The following GSTA3 variants were observed in gnomAD, a reference collection of about 807,000 sequenced individuals.
GSTA3 encodes glutathione S-transferase alpha 3, also known as glutathione S-transferase A3.
In GSTA3, 16 loss-of-function variants were observed where a neutral mutation model predicts 23.1. That is an observed-to-expected ratio of 0.69 (90% CI 0.47 to 1.05). The LOEUF (loss-of-function observed/expected upper bound fraction) is 1.05, where lower values mean the gene tolerates loss of function less well. Among genes scored for constraint, GSTA3 ranks in the 50% least tolerant of loss-of-function variants. GSTA3 has a pLI of 0.00. For synonymous variants in GSTA3, 122 were observed against 91.0 expected (o/e 1.34, Z -1.94); for missense variants, 319 against 263.6 (o/e 1.21, Z -1.46).
At chr6:52,897,076 T>C (rs745693204) in intron 6 of GSTA3, 148 bp from the exon 7 acceptor site, 1 of 1,135,336 alleles carries the variant, frequency 8.8e-7, no homozygotes, top group Admixed American at 2.6e-5. Context: ...CACCCAGTGA[T>C]AAATGAAGAT....
In GSTA3 at chr6:52,899,944, G is replaced by A; in HGVS notation, c.404C>T (p.Ala135Val). Residue 135 changes from alanine to valine, a missense_variant, in exon 5 of 7, where the codon GCC becomes GTC. Coordinates refer to ENST00000211122, the MANE Select transcript of GSTA3 (RefSeq NM_000847.5). Reference sequence around the variant, plus strand: ...AACAGCTTCACCTACTTTTTCGAAGGCAGGGAAATAGCGACTTTTTGTTTT... The same window carrying A: ...AACAGCTTCACCTACTTTTTCGAAGACAGGGAAATAGCGACTTTTTGTTTT... ...KEKTKSRYFP[A>V]FEKVLQSHGQ... The A allele has an allele frequency of 6.2e-7, 1 of 1,613,778 alleles. No individual in the cohort carries two copies.
chr6:52,902,307 G>A (rs1765713524), intron 4 of GSTA3, 39 bp downstream of exon 4: 1 of 1,610,138 alleles, frequency 6.2e-7, no homozygotes, highest in Non-Finnish European at 8.5e-7. Flanking sequence ...AAATCACTCT[G>A]TGTTCTCTGT....
chr6:52,897,830 G>T lies in GSTA3; in HGVS notation c.541C>A (p.Leu181Met), dbSNP rs1224842319. Residue 181 changes from leucine (L) to methionine (M), a missense_variant, in exon 6 of 7, where the codon CTG (leucine) becomes ATG (methionine). Leu to Met is a conservative substitution (Grantham distance 15). Coordinates refer to ENST00000211122, the MANE Select transcript of GSTA3 (RefSeq NM_000847.5). Reference sequence around the variant, plus strand: ...AGGGCTGTGAAATGGGTCACCTTCAGCAGAGGGAAGTTGGAGATAAGGCTG... The same window carrying T: ...AGGGCTGTGAAATGGGTCACCTTCATCAGAGGGAAGTTGGAGATAAGGCTG... ...DSSLISNFPL[L>M]KALKTRISNL... 1 of 1,613,560 alleles carries T rather than the reference G, an allele frequency of 6.2e-7. No individual in the cohort carries two copies. The highest frequency in any genetic ancestry group is 8.5e-7 in the Non-Finnish European group (1 of 1,179,776).
At chr6:52,898,375 C>T (rs1457262231) in intron 5 of GSTA3, among the ~76,000 whole-genome samples, 1 of 152,174 alleles carries the variant, frequency 6.6e-6, no homozygotes, top group African/African-American at 2.4e-5. Context: ...TGACAGCACT[C>T]TTCCTCCAGG....
chr6:52,903,771 T>C (rs1269891656), intron 2 of GSTA3, 44 bp from the exon 3 acceptor site: 2 of 1,163,308 alleles, frequency 1.7e-6, no homozygotes, highest in East Asian at 2.4e-5. Flanking sequence ...GTTCGTTCCA[T>C]AGCATTACAG....
chr6:52,900,144 A>AC, intron 4 of GSTA3, 69 bp from the exon 5 acceptor site: 1 of 1,380,760 alleles, frequency 7.2e-7, no homozygotes, highest in Non-Finnish European at 9.9e-7. Flanking sequence ...ATAAAAACCT[A>AC]AGAGAATAGA....
intron 1 of GSTA3, among the ~76,000 whole-genome samples, chr6:52,908,013 A>G (rs1446058667): frequency 6.6e-6 from 1 of 151,794 alleles, no homozygotes; most frequent in Non-Finnish European, 1.5e-5. Context: ...AGAAGTTACC[A>G]TTTTTATGTC....
intron 3 of GSTA3, among the ~76,000 whole-genome samples, chr6:52,903,147 A>C (rs940874094): frequency 2.6e-5 from 4 of 152,096 alleles, no homozygotes; most frequent in African/African-American, 4.8e-5. Flanking sequence ...TTCCTCTAGC[A>C]GATACTCTGA....
At chr6:52,897,111 T>G (rs1269591382) in intron 6 of GSTA3, among the ~76,000 whole-genome samples, 183 bp from the exon 7 acceptor site, 1 of 152,242 alleles carries the variant, frequency 6.6e-6, no homozygotes, top group Non-Finnish European at 1.5e-5. Flanking sequence ...GTAGCTCACT[T>G]TATTTTCCGC....
At chr6:52,903,973 C>T (rs921192886) in intron 2 of GSTA3, among the ~76,000 whole-genome samples, 9 of 151,986 alleles carry the variant, frequency 5.9e-5, no homozygotes, top group Non-Finnish European at 8.8e-5. Context: ...GCTCAATCTT[C>T]TTTTTTATTT....
intron 4 of GSTA3, among the ~76,000 whole-genome samples, chr6:52,900,886 T>C (rs555601906): frequency 3.0e-4 from 45 of 152,326 alleles, no homozygotes; most frequent in African/African-American, 9.9e-4. Flanking sequence ...GGCCCACTTC[T>C]ATGCCCAATA....
At position 52,897,119 on chromosome 6, in the gene GSTA3, C is replaced by T. The variant is rs540744778; in HGVS notation, c.547-191G>A. On this transcript the variant is annotated intron_variant, in intron 6 of 6. Transcript: ENST00000211122. ...AGAACATGTAGCTCACTTTATTTTCCGCAAAGATGTCTTAAAGTTTTAATC... is the reference window on the plus strand; with the variant it reads ...AGAACATGTAGCTCACTTTATTTTCTGCAAAGATGTCTTAAAGTTTTAATC... Among the ~76,000 whole-genome samples the T allele has an allele frequency of 1.3e-4, 20 of 152,278 alleles. No homozygotes were observed. The East Asian group carries it at 1.9e-3, about 15-fold the overall frequency.
intron 1 of GSTA3, among the ~76,000 whole-genome samples, chr6:52,909,246 A>G (rs983223074): frequency 5.3e-5 from 8 of 152,188 alleles, no homozygotes; most frequent in African/African-American, 1.9e-4. Context: ...TGACCCTGCC[A>G]GCTTTAAATC....
chr6:52,906,566 T>C (rs182639069), intron 1 of GSTA3, among the ~76,000 whole-genome samples: 1 of 152,280 alleles, frequency 6.6e-6, no homozygotes, highest in African/African-American at 2.4e-5. Context: ...CAAACTATAC[T>C]ACAAGGCTAC....
intron 1 of GSTA3, among the ~76,000 whole-genome samples, chr6:52,906,956 G>C (rs1765909679): frequency 6.7e-6 from 1 of 149,268 alleles, no homozygotes; most frequent in African/African-American, 2.5e-5. Flanking sequence ...AGCCAAAATT[G>C]ACAAATGGGA....
chr6:52,897,445 G>A (rs544909800), intron 6 of GSTA3, among the ~76,000 whole-genome samples: 109 of 152,322 alleles, frequency 7.2e-4, no homozygotes, highest in African/African-American at 2.4e-3. Context: ...AGAGCCTAAG[G>A]AAGGAACCAG....
intron 1 of GSTA3, among the ~76,000 whole-genome samples, chr6:52,907,013 A>G (rs906221631): frequency 6.7e-5 from 10 of 148,874 alleles, no homozygotes; most frequent in Non-Finnish European, 3.0e-5. Context: ...AACTACCATC[A>G]GAGTGAACAG....
intron 1 of GSTA3, among the ~76,000 whole-genome samples, chr6:52,907,891 G>T (rs1190919952): frequency 2.0e-5 from 3 of 151,462 alleles, no homozygotes; most frequent in Admixed American, 2.0e-4. Context: ...GAGTTGGTGG[G>T]TGCAGCACAC....
At chr6:52,908,773 G>A (rs138417174) in intron 1 of GSTA3, among the ~76,000 whole-genome samples, 295 of 152,228 alleles carry the variant, frequency 1.9e-3, no homozygotes, top group Middle Eastern at 3.4e-3. Flanking sequence ...TGTTCTGTTG[G>A]ACAGGGAATA....
Sources: allele counts gnomAD v4.1 joint callset (sites outside exome capture counted in the v4.1 genomes callset), GRCh38; gene constraint gnomAD v4.1.1; transcripts MANE v1.5; gene names NCBI Gene and HGNC (gene_info 2026-07-23, HGNC 2026-07-21).